Variants in PDE1C observed in about 807,000 individuals in gnomAD.
The protein encoded by PDE1C is dual specificity calcium/calmodulin-dependent 3',5'-cyclic nucleotide phosphodiesterase 1C.
In PDE1C, 62 loss-of-function variants were observed where a neutral mutation model predicts 93.1. The observed-to-expected ratio is 0.67, with a 90% CI of 0.54 to 0.82. The LOEUF (loss-of-function observed/expected upper bound fraction) is 0.82, where lower values mean the gene tolerates loss of function less well. Ranked by LOEUF, PDE1C falls within the 40% of genes least tolerant of loss-of-function variation. PDE1C has a pLI of 0.00. For missense variants in PDE1C, 742 were observed against 884.6 expected (o/e 0.84, Z 2.04); for synonymous variants, 325 against 310.1 (o/e 1.05, Z -0.50).
At chr7:31,698,014 T>G in the PDE1C span, among the ~76,000 whole-genome samples, 1 of 152,168 alleles carries the variant, frequency 6.6e-6, no homozygotes, top group African/African-American at 2.4e-5. Flanking sequence ...AAAATTATGA[T>G]CAAGATCAAA....
At chr7:31,726,825 G>C in the PDE1C span, among the ~76,000 whole-genome samples, 1 of 152,170 alleles carries the variant, frequency 6.6e-6, no homozygotes, top group African/African-American at 2.4e-5. Flanking sequence ...CTGAGGTCAG[G>C]AGTTCGAGAC....
chr7:31,975,885 ACT>A (rs1811599435), intron 2 of PDE1C, among the ~76,000 whole-genome samples: 1 of 152,176 alleles, frequency 6.6e-6, no homozygotes, highest in South Asian at 2.1e-4. Context: ...ACTGATTTAC[ACT>A]CTCCTCCACA....
chr7:31,901,050 C>T (rs536208671), intron 2 of PDE1C, among the ~76,000 whole-genome samples: 138 of 148,582 alleles, frequency 9.3e-4, no homozygotes, highest in Non-Finnish European at 1.8e-3. Flanking sequence ...AAACAATAGC[C>T]AGGATTATAT....
chr7:31,741,990 A>G, the PDE1C span, among the ~76,000 whole-genome samples: 1 of 152,206 alleles, frequency 6.6e-6, no homozygotes, highest in Non-Finnish European at 1.5e-5. Flanking sequence ...ACTGGATGAG[A>G]GCTCCGGAGA....
intron 1 of PDE1C, among the ~76,000 whole-genome samples, chr7:32,419,256 T>A (rs531943692): frequency 6.6e-6 from 1 of 152,354 alleles, no homozygotes; most frequent in Non-Finnish European, 1.5e-5. Flanking sequence ...AGACTTCTAC[T>A]TTAATTCATA....
At chr7:31,681,656 CTGT>C in the PDE1C span, among the ~76,000 whole-genome samples, 1 of 152,102 alleles carries the variant, frequency 6.6e-6, no homozygotes, top group Non-Finnish European at 1.5e-5. Context: ...TCCATGCTGT[CTGT>C]TTTTCACATT....
chr7:31,983,849 G>C (rs1415226143), intron 2 of PDE1C, among the ~76,000 whole-genome samples: 1 of 152,148 alleles, frequency 6.6e-6, no homozygotes, highest in Admixed American at 6.5e-5. Context: ...GGCAACATGA[G>C]AGCATCAGAT....
intron 1 of PDE1C, among the ~76,000 whole-genome samples, chr7:32,307,799 T>C (rs1220794283): frequency 2.0e-5 from 3 of 152,190 alleles, no homozygotes; most frequent in Admixed American, 6.5e-5. Flanking sequence ...ACTCCCAGCA[T>C]AAGCGACACA....
At chr7:32,070,050 T>C (rs1185182156) in intron 1 of PDE1C, among the ~76,000 whole-genome samples, 1 of 152,024 alleles carries the variant, frequency 6.6e-6, no homozygotes, top group Non-Finnish European at 1.5e-5. Flanking sequence ...AAAGGACATC[T>C]CTCCTTCCCC....
At chr7:31,774,211 T>C (rs1163143206) in intron 17 of PDE1C, among the ~76,000 whole-genome samples, 1 of 152,166 alleles carries the variant, frequency 6.6e-6, no homozygotes, top group East Asian at 1.9e-4. Flanking sequence ...CAAAATGGGT[T>C]AAAATGCAAG....
At chr7:31,993,282 G>C (rs1784354866) in intron 2 of PDE1C, among the ~76,000 whole-genome samples, 1 of 152,154 alleles carries the variant, frequency 6.6e-6, no homozygotes, top group South Asian at 2.1e-4. Flanking sequence ...GATAATTGCT[G>C]TTTTCTGGCT....
chr7:32,139,334 A>T (rs1800393141), intron 3 of PDE1C, among the ~76,000 whole-genome samples: 2 of 133,470 alleles, frequency 1.5e-5, no homozygotes, highest in Admixed American at 8.3e-5. Context: ...TTGAGACCAA[A>T]TCTTGCTACA....
chr7:31,945,945 A>G (rs1806546440), intron 2 of PDE1C, among the ~76,000 whole-genome samples: 2 of 152,088 alleles, frequency 1.3e-5, no homozygotes, highest in African/African-American at 4.8e-5. Flanking sequence ...TTCCTTGGAT[A>G]GTTGATTTCA....
the PDE1C span, among the ~76,000 whole-genome samples, chr7:31,663,006 C>T: frequency 6.6e-6 from 1 of 152,164 alleles, no homozygotes; most frequent in East Asian, 1.9e-4. Context: ...TGATCCCACC[C>T]CTATCTGGCT....
intron 1 of PDE1C, among the ~76,000 whole-genome samples, chr7:32,287,040 T>C (rs1391770391): frequency 6.6e-6 from 1 of 152,150 alleles, no homozygotes. Context: ...AAGGCCCAGA[T>C]AGAGAGGAAG....
intron 2 of PDE1C, among the ~76,000 whole-genome samples, chr7:31,938,470 A>C (rs1805387637): frequency 1.3e-5 from 2 of 152,216 alleles, no homozygotes; most frequent in South Asian, 4.1e-4. Flanking sequence ...GTTTAAAGTC[A>C]TATTCAATAT....
chr7:31,647,300 C>T, the PDE1C span, among the ~76,000 whole-genome samples: 1 of 152,014 alleles, frequency 6.6e-6, no homozygotes, highest in East Asian at 1.9e-4. Flanking sequence ...AAAATATTTA[C>T]GAAAATATTA....
chr7:31,825,107 T>G, intron 12 of PDE1C, 120 bp from the exon 13 acceptor site: 2 of 1,221,338 alleles, frequency 1.6e-6, no homozygotes, highest in African/African-American at 1.5e-5. Context: ...CTTGATCTTA[T>G]GTACTGTATG....
intron 14 of PDE1C, among the ~76,000 whole-genome samples, chr7:31,816,939 C>A (rs7810284): frequency 0.83 from 126,774 of 152,176 alleles, 53,040 homozygotes; most frequent in African/African-American, 0.9. Context: ...TCAAAACCAC[C>A]GCAGAAATGC....
Sources: allele counts gnomAD v4.1 joint callset (sites outside exome capture counted in the v4.1 genomes callset), GRCh38; gene constraint gnomAD v4.1.1; transcripts MANE v1.5; gene names NCBI Gene and HGNC (gene_info 2026-07-23, HGNC 2026-07-21).